The following TERT variants were observed in gnomAD, a reference collection of about 807,000 sequenced individuals.
The protein encoded by TERT is telomerase catalytic subunit.
In TERT, 42 loss-of-function variants were observed where a neutral mutation model predicts 104.0. The observed-to-expected ratio is 0.40, with a 90% CI of 0.32 to 0.52. The LOEUF (loss-of-function observed/expected upper bound fraction) is 0.52. TERT is among the 20% of genes least tolerant of loss of function. The pLI is 0.43. For missense variants in TERT, 1,101 were observed against 1,610.3 expected, an observed-to-expected ratio of 0.68 and a Z score of 5.41; for synonymous variants, 781 against 725.6, an observed-to-expected ratio of 1.08 and a Z score of -1.23.
intron 11 of TERT, among the ~76,000 whole-genome samples, chr5:1,264,005 C>CA (rs932915202): frequency 2.0e-5 from 3 of 150,666 alleles, no homozygotes; most frequent in Admixed American, 6.6e-5. Context: ...CGGAGAGACT[C>CA]ACGCCCAGCA....
chr5:1,282,589 G>A lies in TERT; in HGVS notation c.1609C>T (p.Arg537Cys), dbSNP rs760352197. 4 of 1,613,952 alleles carry A rather than the reference G, an allele frequency of 2.5e-6. No individual in the cohort carries two copies. The highest frequency in any genetic ancestry group is 2.2e-5 in the East Asian group (1 of 44,900). The change falls in exon 3 of 16, where the codon CGT becomes TGT. Residue 537 changes from arginine (R) to cysteine (C), a missense_variant. Transcript: ENST00000310581. ...GCVPAAEHRLREEILAKFLHW... is the reference protein window; with the variant it reads ...GCVPAAEHRLCEEILAKFLHW... ...AGGAACTTGGCCAGGATCTCCTCAC[G>A]CAGACGGTGCTCTGCGGCCGGAACA...
intron 2 of TERT, among the ~76,000 whole-genome samples, chr5:1,284,909 C>T (rs1208798678): frequency 2.0e-5 from 3 of 150,566 alleles, no homozygotes; most frequent in Non-Finnish European, 4.4e-5. Context: ...ACCATCCAGA[C>T]ACCGCACACC....
In TERT at chr5:1,294,640, GGCCACCA is replaced by G. The variant is rs1269929061; in HGVS notation, c.239_245del (p.Leu80ProfsTer46). 1 of 1,596,206 alleles carries G rather than the reference GGCCACCA, an allele frequency of 6.3e-7. No homozygotes were observed. Among genetic ancestry groups the G allele is most frequent in the Non-Finnish European group, 8.5e-7 (1 of 1,178,954 alleles). On this transcript the variant is annotated frameshift_variant, in exon 2 of 16. Coordinates refer to ENST00000310581, the MANE Select transcript of TERT (RefSeq NM_198253.3). LOFTEE classifies it high-confidence loss of function. The stretch of plus-strand genomic sequence containing the variant: ...GCTCGCACAGCCTCTGCAGCACTCG[GGCCACCA>G]GCTCCTTCAGGCAGGACACCTGCGG...
At chr5:1,264,362 C>G (rs780244900) in intron 11 of TERT, 42 bp downstream of exon 11, 3 of 1,577,486 alleles carry the variant, frequency 1.9e-6, no homozygotes, top group Non-Finnish European at 2.6e-6. Flanking sequence ...CAGCACCTGC[C>G]CCAGCCGGGC....
intron 12 of TERT, among the ~76,000 whole-genome samples, chr5:1,258,873 G>A (rs928391937): frequency 5.3e-5 from 8 of 152,236 alleles, no homozygotes; most frequent in African/African-American, 1.7e-4. Context: ...GCCTGCCCCC[G>A]AGGCTCGGCC....
In TERT at chr5:1,279,475, C is replaced by T. The variant is rs770214413; in HGVS notation, c.1951-5G>A. On this transcript the variant is annotated splice_region_variant and splice_polypyrimidine_tract_variant and intron_variant, in intron 4 of 15. Coordinates refer to ENST00000310581, the MANE Select transcript of TERT (RefSeq NM_198253.3). ...CCTCGAGGTGAGACGCTCGGCCTGG[C>T]GGGGACAGCATGGGAGACAGTCAGG... The T allele has an allele frequency of 1.4e-5, 22 of 1,548,508 alleles. No homozygotes were observed. Among genetic ancestry groups the T allele is most frequent in the East Asian group, 9.8e-5 (4 of 40,968 alleles).
At chr5:1,275,651 G>A (rs1749509615) in intron 6 of TERT, among the ~76,000 whole-genome samples, 1 of 152,070 alleles carries the variant, frequency 6.6e-6, no homozygotes, top group Non-Finnish European at 1.5e-5. Flanking sequence ...TAAAGCTGTT[G>A]GAGCACCTGC....
At chr5:1,291,536 A>G (rs369668277) in intron 2 of TERT, among the ~76,000 whole-genome samples, 33 of 25,866 alleles carry the variant, frequency 1.3e-3, no homozygotes, top group East Asian at 5.2e-3. Flanking sequence ...CACTCACCCT[A>G]CACGTGACAG....
At position 1,274,628 on chromosome 5, in the gene TERT, A is replaced by G. The variant is rs898879596; in HGVS notation, c.2287-2348T>C. Among the ~76,000 whole-genome samples the G allele has an allele frequency of 6.6e-6, 1 of 152,184 alleles. No individual in the cohort carries two copies. Among genetic ancestry groups the G allele is most frequent in the African/African-American group, 2.4e-5 (1 of 41,462 alleles). ...GGGTGTGTGCGCCTCTGAGCACCGCATGCCACTGCTGATCTGAGAGGGGCG... is the reference window on the plus strand; with the variant it reads ...GGGTGTGTGCGCCTCTGAGCACCGCGTGCCACTGCTGATCTGAGAGGGGCG... On this transcript the variant is annotated intron_variant, in intron 6 of 15. Transcript: ENST00000310581. This position sits in a 1 kb window ranked among gnomAD's most constrained non-coding sequence, Gnocchi z 5.3.
Position 1,253,243 on chromosome 5 carries a change from AC to A in TERT, c.*484del. ...CCTCCCCCCAATTTGACCCACAGGGACCCCCATCCAGGTGCAGGGTCCTCGC... is the reference window on the plus strand; with the variant it reads ...CCTCCCCCCAATTTGACCCACAGGGACCCCATCCAGGTGCAGGGTCCTCGC... On this transcript the variant is annotated 3_prime_UTR_variant, in exon 16 of 16. Coordinates refer to ENST00000310581, the MANE Select transcript of TERT (RefSeq NM_198253.3). 3.9e-6 allele frequency: 1 copy of A among 257,732 alleles called. No homozygotes were observed. Among genetic ancestry groups the A allele is most frequent in the South Asian group, 1.3e-4 (1 of 7,778 alleles). The allele number at this position is 257,732 out of a possible 1,614,324, so 16.0% of individuals were successfully genotyped here. A position where few individuals can be genotyped will look rare whatever the true frequency, so the allele number is the denominator to read the frequency against.
At position 1,286,185 on chromosome 5, in the gene TERT, C is replaced by T. The variant is rs1750472328; in HGVS notation, c.1574-3561G>A. Among the ~76,000 whole-genome samples the T allele has an allele frequency of 6.6e-6, 1 of 152,194 alleles. No homozygotes were observed. The highest frequency in any genetic ancestry group is 1.5e-5 in the Non-Finnish European group (1 of 68,042). ...CTCACGGGCCAAGATGACCGCCCTC[C>T]TCGTGAGTCTCCACATCTTCATCTG... On this transcript the variant is annotated intron_variant, in intron 2 of 15. Coordinates refer to ENST00000310581, the MANE Select transcript of TERT (RefSeq NM_198253.3). The surrounding 1 kb of genome is among the most constrained non-coding windows in gnomAD (Gnocchi z 5.3).
In TERT at chr5:1,260,516, C is replaced by G; in HGVS notation, c.2928G>C (p.Gly976=). 6.2e-7 allele frequency: 1 copy of G among 1,614,200 alleles called. No individual in the cohort carries two copies. The highest frequency in any genetic ancestry group is 8.5e-7 in the Non-Finnish European group (1 of 1,180,040). The change falls in exon 12 of 16, where the codon GGG becomes GGC. Residue 976 remains glycine (G), a synonymous_variant. Transcript: ENST00000310581. ...AGRNMRRKLF[G]VLRLKCHSLF... Reference sequence around the variant, plus strand: ...GGCTGTGACACTTCAGCCGCAAGACCCCAAAGAGTTTGCGACGCATGTTCC... The same window carrying G: ...GGCTGTGACACTTCAGCCGCAAGACGCCAAAGAGTTTGCGACGCATGTTCC...
In TERT at chr5:1,268,711, GAC is replaced by G; in HGVS notation, c.2469-80_2469-79del. 3 of 957,098 alleles carry G rather than the reference GAC, an allele frequency of 3.1e-6. No individual in the cohort carries two copies. The South Asian group carries it at 4.0e-5, about 13-fold the overall frequency. 59.3% of individuals were successfully genotyped at this position (957,098 alleles called of 1,614,324 possible). Reference sequence around the variant, plus strand: ...GTACACTCAAACCGAGCCACACACAGACACAGAACCTCATACACACAAACGAC... The same window carrying G: ...GTACACTCAAACCGAGCCACACACAGACAGAACCTCATACACACAAACGAC... On this transcript the variant is annotated intron_variant, in intron 8 of 15. Transcript: ENST00000310581. This position sits in a 1 kb window ranked among gnomAD's most constrained non-coding sequence, Gnocchi z 5.5.
In TERT at chr5:1,269,017, T is replaced by C. The variant is rs6863697; in HGVS notation, c.2469-384A>G. ...GAATTTGTCCACGGTGAAAGACTCATGACCCTACATGTAGCCGCTGCGCGC... is the reference window on the plus strand; with the variant it reads ...GAATTTGTCCACGGTGAAAGACTCACGACCCTACATGTAGCCGCTGCGCGC... On this transcript the variant is annotated intron_variant, in intron 8 of 15. Transcript: ENST00000310581. This position sits in a 1 kb window ranked among gnomAD's most constrained non-coding sequence, Gnocchi z 9.0. Among the ~76,000 whole-genome samples the C allele has an allele frequency of 0.015, 2,328 of 151,762 alleles. 71 individuals carry two copies. The highest frequency in any genetic ancestry group is 0.054 in the African/African-American group (2,242 of 41,326).
Position 1,288,524 on chromosome 5 carries a change from G to A in TERT, c.1573+4789C>T, listed in dbSNP as rs1040966632. On this transcript the variant is annotated intron_variant, in intron 2 of 15. Transcript: ENST00000310581. This position sits in a 1 kb window ranked among gnomAD's most constrained non-coding sequence, Gnocchi z 5.3. ...GCTGGACGTCAATCCATGTGAGGGG[G>A]CGACTGGAGGCAGAGCCCAGCCTAA... 2.0e-5 allele frequency among the ~76,000 whole-genome samples: 3 copies of A among 152,080 alleles called. No homozygotes were observed. The highest frequency in any genetic ancestry group is 6.6e-5 in the Admixed American group (1 of 15,266).
rs199422306 is a variant in TERT at position 1,253,798 on chromosome 5, G to A, written c.3329C>T (p.Thr1110Met). Residue 1110 changes from threonine to methionine, a missense_variant, in exon 16 of 16, where the codon ACG becomes ATG. Thr to Met is a moderately conservative substitution (Grantham distance 81). Coordinates refer to ENST00000310581, the MANE Select transcript of TERT (RefSeq NM_198253.3). ...TGCGGCCTCCAGGGCAGTCAGCGTCGTCCCCGGGAGCTTCCGACTCAGCTG... is the reference window on the plus strand; with the variant it reads ...TGCGGCCTCCAGGGCAGTCAGCGTCATCCCCGGGAGCTTCCGACTCAGCTG... Reference protein sequence around the residue: ...QTQLSRKLPGTTLTALEAAAN... With the variant: ...QTQLSRKLPGMTLTALEAAAN... 139 of 1,611,632 alleles carry A rather than the reference G, an allele frequency of 8.6e-5. No individual in the cohort carries two copies. The highest frequency in any genetic ancestry group is 1.1e-4 in the South Asian group (10 of 90,528).
chr5:1,294,052 G>A lies in TERT; in HGVS notation c.834C>T (p.Pro278=), dbSNP rs375423906. 3 of 1,590,690 alleles carry A rather than the reference G, an allele frequency of 1.9e-6. No homozygotes were observed. The highest frequency in any genetic ancestry group is 2.7e-5 in the African/African-American group (2 of 74,268). The stretch of plus-strand genomic sequence containing the variant: ...CCTCCAAAGAGGTGGCTTCTTCGGC[G>A]GGTCTGGCAGGTGACACCACACAGA... ...RGFCVVSPAR[P]AEEATSLEGA... is the part of the protein sequence containing the mutation. Residue 278 remains proline (P), a synonymous_variant, in exon 2 of 16, where the codon CCC becomes CCT. Transcript: ENST00000310581.
chr5:1,274,464 G>A lies in TERT; in HGVS notation c.2287-2184C>T, dbSNP rs780127779. Among the ~76,000 whole-genome samples, 16 of 152,238 alleles carry A rather than the reference G, an allele frequency of 1.1e-4. No homozygotes were observed. The highest frequency in any genetic ancestry group is 1.9e-4 in the African/African-American group (8 of 41,464). On this transcript the variant is annotated intron_variant, in intron 6 of 15. Transcript: ENST00000310581. The surrounding 1 kb of genome is among the most constrained non-coding windows in gnomAD (Gnocchi z 5.3). The stretch of plus-strand genomic sequence containing the variant: ...CATTGTGGTACCAGGGACTGGTTTC[G>A]TGGAAGACGATTTTTCCACAGGACA...
At position 1,258,580 on chromosome 5, in the gene TERT, C is replaced by T. The variant is rs768976875; in HGVS notation, c.3032+18G>A. The T allele has an allele frequency of 1.3e-5, 21 of 1,560,324 alleles. No individual in the cohort carries two copies. Among genetic ancestry groups the T allele is most frequent in the Admixed American group, 1.3e-4 (7 of 52,348 alleles). ...GGGTCCCTGGAGGCTGGGCCTGCAC[C>T]CCTTGGTGGCGGCTCACCTGTACGC... is the stretch of plus-strand genomic sequence containing the variant. On this transcript the variant is annotated intron_variant, in intron 13 of 15. Coordinates refer to ENST00000310581, the MANE Select transcript of TERT (RefSeq NM_198253.3).
Sources: gnomAD v4.1 joint callset for allele counts (sites outside exome capture counted in the v4.1 genomes callset) on GRCh38, gnomAD v4.1.1 for gene constraint, Gnocchi (gnomAD v3.1) non-coding constraint, MANE v1.5 for transcripts, NCBI Gene and HGNC (gene_info 2026-07-23, HGNC 2026-07-21) for gene names.